Variants in FRMD4A observed in about 807,000 individuals in gnomAD.
FRMD4A encodes FERM domain-containing protein 4A.
A neutral mutation model predicts 129.1 loss-of-function variants in FRMD4A; 29 were observed. The observed-to-expected ratio is 0.22, with a 90% CI of 0.17 to 0.31. The LOEUF (loss-of-function observed/expected upper bound fraction) is 0.31, where lower values mean the gene tolerates loss of function less well. FRMD4A is among the 10% of genes least tolerant of loss of function. The pLI is 1.00. For missense variants in FRMD4A, 1,272 were observed against 1,375.8 expected, an observed-to-expected ratio of 0.92 and a Z score of 1.19; for synonymous variants, 634 against 571.6, an observed-to-expected ratio of 1.11 and a Z score of -1.56.
chr10:14,051,159 T>C (rs770138445), intron 2 of FRMD4A, among the ~76,000 whole-genome samples: 2 of 152,244 alleles, frequency 1.3e-5, no homozygotes, highest in Non-Finnish European at 2.9e-5. Context: ...CTAACCAAAA[T>C]GCAGTATCTA....
intron 2 of FRMD4A, among the ~76,000 whole-genome samples, chr10:14,047,046 T>C (rs1834020160): frequency 6.6e-6 from 1 of 152,160 alleles, no homozygotes; most frequent in African/African-American, 2.4e-5. Context: ...CCACCTCCAA[T>C]ATAACTCTCA....
chr10:14,330,295 G>A, intron 1 of FRMD4A, 112 bp from the exon 2 acceptor site: 1 of 530,084 alleles, frequency 1.9e-6, no homozygotes, highest in Non-Finnish European at 3.4e-6. Context: ...GGTGGGAACT[G>A]TGCTTAGGGA....
At chr10:14,275,024 T>C (rs1845290269) in intron 2 of FRMD4A, among the ~76,000 whole-genome samples, 1 of 152,256 alleles carries the variant, frequency 6.6e-6, no homozygotes, top group Admixed American at 6.5e-5. Context: ...TTCTAGCAGG[T>C]CTGCCCTGTT....
intron 2 of FRMD4A, among the ~76,000 whole-genome samples, chr10:14,062,027 C>T (rs968763796): frequency 6.6e-6 from 1 of 152,118 alleles, no homozygotes; most frequent in African/African-American, 2.4e-5. Context: ...AATGTGCATA[C>T]CCTTGGAACA....
chr10:13,732,156 C>T (rs1319657384), intron 12 of FRMD4A, among the ~76,000 whole-genome samples: 1 of 152,108 alleles, frequency 6.6e-6, no homozygotes, highest in African/African-American at 2.4e-5. Flanking sequence ...TTACTCCAAC[C>T]CCCAAGAGCC....
chr10:13,870,843 G>T (rs138335365), intron 2 of FRMD4A: 1 of 152,252 alleles, frequency 6.6e-6, no homozygotes, highest in African/African-American at 2.4e-5. Flanking sequence ...TTCATTCAAC[G>T]TTCAGTTATT....
At chr10:14,055,812 A>G (rs1337299704) in intron 2 of FRMD4A, among the ~76,000 whole-genome samples, 2 of 152,214 alleles carry the variant, frequency 1.3e-5, no homozygotes, top group Non-Finnish European at 2.9e-5. Context: ...CCCCTCAAGC[A>G]TTTATCTTTA....
intron 2 of FRMD4A, among the ~76,000 whole-genome samples, chr10:14,180,939 C>T (rs944992824): frequency 6.6e-6 from 1 of 152,202 alleles, no homozygotes; most frequent in Non-Finnish European, 1.5e-5. Flanking sequence ...AAAATTGTGG[C>T]ACACTGAGGA....
At chr10:14,126,555 C>T (rs538062832) in intron 2 of FRMD4A, among the ~76,000 whole-genome samples, 1 of 146,268 alleles carries the variant, frequency 6.8e-6, no homozygotes, top group African/African-American at 2.5e-5. Flanking sequence ...TACACGATGA[C>T]CACCAGCAGC....
At chr10:14,067,393 G>C (rs1835113699) in intron 2 of FRMD4A, among the ~76,000 whole-genome samples, 1 of 152,084 alleles carries the variant, frequency 6.6e-6, no homozygotes, top group African/African-American at 2.4e-5. Flanking sequence ...AGGGGAACAG[G>C]AAAGATTTAT....
chr10:13,924,762 A>T (rs2095111105), intron 2 of FRMD4A, among the ~76,000 whole-genome samples: 1 of 152,144 alleles, frequency 6.6e-6, no homozygotes, highest in Non-Finnish European at 1.5e-5. Context: ...TGATGTTTAG[A>T]AGAGTACCTG....
chr10:14,109,542 T>C (rs1249341465), intron 2 of FRMD4A, among the ~76,000 whole-genome samples: 3 of 152,232 alleles, frequency 2.0e-5, no homozygotes, highest in Non-Finnish European at 4.4e-5. Flanking sequence ...CATATTCTCC[T>C]GCCGCAGAAC....
At chr10:13,829,714 G>C (rs1484231626) in intron 3 of FRMD4A, among the ~76,000 whole-genome samples, 1 of 152,124 alleles carries the variant, frequency 6.6e-6, no homozygotes, top group East Asian at 1.9e-4. Context: ...GTGCAGCCTA[G>C]GTCCATCACC....
intron 2 of FRMD4A, among the ~76,000 whole-genome samples, chr10:13,877,312 G>T (rs2094498279): frequency 6.6e-6 from 1 of 152,142 alleles, no homozygotes; most frequent in Non-Finnish European, 1.5e-5. Context: ...TGTACTAAGT[G>T]CCTAAATCCA....
chr10:14,236,016 G>A (rs1452601513), intron 2 of FRMD4A, among the ~76,000 whole-genome samples: 2 of 152,222 alleles, frequency 1.3e-5, no homozygotes, highest in Non-Finnish European at 2.9e-5. Context: ...GCAGGTCCTG[G>A]AAGAAGGTGA....
At chr10:13,760,867 G>A (rs1334496821) in intron 8 of FRMD4A, among the ~76,000 whole-genome samples, 1 of 110,276 alleles carries the variant, frequency 9.1e-6, no homozygotes, top group Non-Finnish European at 1.7e-5. Flanking sequence ...GGGCTACCCT[G>A]GCCTTTTTTT....
chr10:13,832,889 C>T (rs2093812760), intron 3 of FRMD4A, among the ~76,000 whole-genome samples: 1 of 152,240 alleles, frequency 6.6e-6, no homozygotes, highest in Admixed American at 6.5e-5. Context: ...ATCCTCCCAC[C>T]TCAGCCTCCT....
intron 2 of FRMD4A, among the ~76,000 whole-genome samples, chr10:13,913,182 A>G (rs761980472): frequency 9.2e-5 from 14 of 152,224 alleles, no homozygotes; most frequent in Non-Finnish European, 2.1e-4. Context: ...AATCACTTAC[A>G]AAAGACCACA....
At chr10:13,956,348 C>T (rs778574095) in intron 2 of FRMD4A, among the ~76,000 whole-genome samples, 8 of 152,124 alleles carry the variant, frequency 5.3e-5, no homozygotes, top group Non-Finnish European at 7.3e-5. Flanking sequence ...GATGGGGTTT[C>T]GCCATGTGGG....
Sources: allele counts gnomAD v4.1 joint callset (sites outside exome capture counted in the v4.1 genomes callset), GRCh38; gene constraint gnomAD v4.1.1; transcripts MANE v1.5; gene names NCBI Gene and HGNC (gene_info 2026-07-23, HGNC 2026-07-21).